Variants in SLC9C1 observed in about 807,000 individuals in gnomAD.
SLC9C1 encodes the protein sodium/hydrogen exchanger 10.
A neutral mutation model predicts 140.9 loss-of-function variants in SLC9C1; 97 were observed. The observed-to-expected ratio is 0.69, with a 90% CI of 0.58 to 0.82. SLC9C1 has a LOEUF of 0.82. Ranked by LOEUF, SLC9C1 falls within the 40% of genes least tolerant of loss-of-function variation. The probability of loss-of-function intolerance (pLI) is 0.00; values close to 1 mark genes in which losing one functional copy is unlikely to be tolerated. For missense variants in SLC9C1, 1,340 were observed against 1,389.3 expected (o/e 0.96, Z 0.56); for synonymous variants, 440 against 442.6 (o/e 0.99, Z 0.07).
At chr3:112,233,454 T>C (rs1236885587) in intron 12 of SLC9C1, among the ~76,000 whole-genome samples, 1 of 152,152 alleles carries the variant, frequency 6.6e-6, no homozygotes, top group African/African-American at 2.4e-5. Context: ...AAAACATATA[T>C]TTTATTTTCA....
chr3:112,209,522 AG>A, intron 15 of SLC9C1, among the ~76,000 whole-genome samples: 1 of 152,022 alleles, frequency 6.6e-6, no homozygotes, highest in East Asian at 1.9e-4. Flanking sequence ...AAGAAAAAAA[AG>A]AAATTCCAAT....
At chr3:112,202,163 A>G (rs9821935) in intron 18 of SLC9C1, 87 bp downstream of exon 18, 394,840 of 1,419,972 alleles carry the variant, frequency 0.28, 56,246 homozygotes, top group Admixed American at 0.36. Context: ...AGTCAAAGAC[A>G]TCTGCATATA....
chr3:112,161,109 A>G (rs1215753518), intron 26 of SLC9C1, among the ~76,000 whole-genome samples: 1 of 151,860 alleles, frequency 6.6e-6, no homozygotes, highest in Non-Finnish European at 1.5e-5. Flanking sequence ...CCACTTTTTG[A>G]TGGGGTTGTT....
At chr3:112,220,513 G>A (rs959740539) in intron 14 of SLC9C1, among the ~76,000 whole-genome samples, 4 of 152,210 alleles carry the variant, frequency 2.6e-5, no homozygotes, top group Non-Finnish European at 5.9e-5. Flanking sequence ...GTTGTCTAGA[G>A]CTAGAAGGTA....
intron 10 of SLC9C1, among the ~76,000 whole-genome samples, chr3:112,246,066 A>G (rs1016096946): frequency 6.6e-6 from 1 of 152,174 alleles, no homozygotes; most frequent in Non-Finnish European, 1.5e-5. Flanking sequence ...AAATACGGTC[A>G]TGTTGATTAT....
At chr3:112,286,925 C>T in intron 1 of SLC9C1, 47 bp from the exon 2 acceptor site, 1 of 527,270 alleles carries the variant, frequency 1.9e-6, no homozygotes. Context: ...TAATAATTTT[C>T]TAAAAAAGAA....
At chr3:112,185,586 C>A (rs1468111594) in intron 20 of SLC9C1, 53 of 1,608,138 alleles carry the variant, frequency 3.3e-5, no homozygotes, top group Non-Finnish European at 4.5e-5. Flanking sequence ...TGCCCGGGGT[C>A]CCAGGGCTCG....
At chr3:112,248,264 T>G (rs1287361035) in intron 10 of SLC9C1, among the ~76,000 whole-genome samples, 2 of 147,016 alleles carry the variant, frequency 1.4e-5, no homozygotes, top group African/African-American at 5.0e-5. Context: ...TAGCCCCAGT[T>G]GAGCCTTTTG....
chr3:112,154,871 CA>C, intron 27 of SLC9C1, 125 bp downstream of exon 27: 1 of 852,496 alleles, frequency 1.2e-6, no homozygotes, highest in South Asian at 1.8e-5. Flanking sequence ...TGTTTTACAC[CA>C]AAATCTACAA....
At chr3:112,200,633 C>G in intron 19 of SLC9C1, 78 bp downstream of exon 19, 1 of 1,329,324 alleles carries the variant, frequency 7.5e-7, no homozygotes, top group Admixed American at 2.0e-5. Context: ...AAGATTAGCT[C>G]GAGTTATGAA....
At chr3:112,215,147 C>T (rs1334587987) in intron 15 of SLC9C1, among the ~76,000 whole-genome samples, 1 of 147,676 alleles carries the variant, frequency 6.8e-6, no homozygotes, top group East Asian at 2.0e-4. Flanking sequence ...AGGCCTTCAA[C>T]AAAATTCAAA....
intron 20 of SLC9C1, chr3:112,185,676 C>T (rs2077522402): frequency 1.3e-6 from 2 of 1,551,696 alleles, no homozygotes; most frequent in Non-Finnish European, 1.7e-6. Flanking sequence ...GCGGGTGCTC[C>T]GGAGGCGTGC....
At chr3:112,224,368 C>T (rs144833299) in intron 13 of SLC9C1, among the ~76,000 whole-genome samples, 30 of 150,264 alleles carry the variant, frequency 2.0e-4, no homozygotes, top group Non-Finnish European at 3.7e-4. Flanking sequence ...AACTGTTTCA[C>T]AAGATCTGAA....
At chr3:112,231,218 C>T (rs867357468) in intron 13 of SLC9C1, 143 bp downstream of exon 13, 1 of 765,316 alleles carries the variant, frequency 1.3e-6, no homozygotes, top group Non-Finnish European at 1.9e-6. Context: ...TCCAATCAAG[C>T]AGATTCCTAA....
intron 20 of SLC9C1, among the ~76,000 whole-genome samples, chr3:112,196,304 CTTG>C (rs2077767682): frequency 1.3e-5 from 2 of 151,974 alleles, no homozygotes; most frequent in South Asian, 4.2e-4. Flanking sequence ...TTGCTTCTCT[CTTG>C]TTGTCTTAAA....
chr3:112,183,567 C>T (rs998856611), intron 20 of SLC9C1, among the ~76,000 whole-genome samples: 29 of 150,654 alleles, frequency 1.9e-4, no homozygotes, highest in African/African-American at 6.9e-4. Context: ...GCACTCTGGG[C>T]TCCAGTTAGG....
Position 112,161,671 on chromosome 3 carries a change from C to T in SLC9C1, c.3364+5550G>A, listed in dbSNP as rs374506308. 3.4e-3 allele frequency among the ~76,000 whole-genome samples: 522 copies of T among 151,976 alleles called. 12 individuals are homozygous for T. The East Asian group carries it at 0.04, about 12-fold the overall frequency. ...CAGTACCATGCTGTTTTGGTTACTG[C>T]AGCCTTGTAGTATAGTTTGAAGTCA... On this transcript the variant is annotated intron_variant, in intron 26 of 28. Transcript: ENST00000305815.
At chr3:112,193,330 G>C (rs1435464872) in intron 20 of SLC9C1, among the ~76,000 whole-genome samples, 1 of 152,202 alleles carries the variant, frequency 6.6e-6, no homozygotes, top group Non-Finnish European at 1.5e-5. Flanking sequence ...CTTGGAGGCA[G>C]GTCTGCCTAG....
chr3:112,217,176 T>C (rs1175287981), intron 15 of SLC9C1, among the ~76,000 whole-genome samples: 1 of 151,228 alleles, frequency 6.6e-6, no homozygotes, highest in Non-Finnish European at 1.5e-5. Flanking sequence ...GGACACATGG[T>C]GGGGAACATC....
Sources: allele counts gnomAD v4.1 joint callset (sites outside exome capture counted in the v4.1 genomes callset), GRCh38; gene constraint gnomAD v4.1.1; transcripts MANE v1.5; gene names NCBI Gene and HGNC (gene_info 2026-07-23, HGNC 2026-07-21).